The following RCAN1 variants were observed in gnomAD, a reference collection of about 807,000 sequenced individuals.
The protein encoded by RCAN1 is calcipressin-1.
RCAN1 carries 11 observed loss-of-function variants against 22.9 expected under a neutral mutation model. The observed-to-expected ratio is 0.48, with a 90% CI of 0.30 to 0.79. The LOEUF (loss-of-function observed/expected upper bound fraction) is 0.79. Ranked by LOEUF, RCAN1 falls within the 30% of genes least tolerant of loss-of-function variation. The pLI is 0.06. For synonymous variants in RCAN1, 136 were observed against 142.3 expected (o/e 0.96, Z 0.32); for missense variants, 291 against 337.8 (o/e 0.86, Z 1.09).
At chr21:34,540,743 T>C (rs1203656890) in intron 1 of RCAN1, among the ~76,000 whole-genome samples, 1 of 151,928 alleles carries the variant, frequency 6.6e-6, no homozygotes, top group Non-Finnish European at 1.5e-5. Context: ...TCCCAGCACT[T>C]TGGGAGGCCG....
intron 1 of RCAN1, among the ~76,000 whole-genome samples, chr21:34,575,984 C>T (rs1429334051): frequency 1.3e-5 from 2 of 152,154 alleles, no homozygotes; most frequent in African/African-American, 2.4e-5. Flanking sequence ...CATCACACTG[C>T]ATGGGATCCT....
Position 34,518,089 on chromosome 21 carries a change from T to C in RCAN1, c.754A>G (p.Ser252Gly), listed in dbSNP as rs781137178. ...RRPEYTPIHL[S>G] Reference sequence around the variant, plus strand: ...CGTCCTCGTCGCGTGCCAGTTCAGCTGAGGTGGATCGGCGTGTACTCCGGC... The same window carrying C: ...CGTCCTCGTCGCGTGCCAGTTCAGCCGAGGTGGATCGGCGTGTACTCCGGC... Residue 252 changes from serine (S) to glycine (G), a missense_variant, in exon 4 of 4, where the codon AGC (serine) becomes GGC (glycine). Physicochemically the swap from Ser to Gly is moderately conservative, Grantham distance 56. Coordinates refer to ENST00000313806, the MANE Select transcript of RCAN1 (RefSeq NM_004414.7). This position sits in a 1 kb window ranked among gnomAD's most constrained non-coding sequence, Gnocchi z 4.2. 6.2e-7 allele frequency: 1 copy of C among 1,614,212 alleles called. No individual in the cohort carries two copies. The highest frequency in any genetic ancestry group is 2.2e-5 in the East Asian group (1 of 44,880).
intron 1 of RCAN1, among the ~76,000 whole-genome samples, chr21:34,548,019 G>A (rs1335208458): frequency 6.6e-6 from 1 of 152,162 alleles, no homozygotes; most frequent in Admixed American, 6.5e-5. Flanking sequence ...TACAAGCCAG[G>A]AGGAGAGCCC....
At chr21:34,548,813 C>T (rs932608853) in intron 1 of RCAN1, among the ~76,000 whole-genome samples, 1 of 152,128 alleles carries the variant, frequency 6.6e-6, no homozygotes, top group African/African-American at 2.4e-5. Context: ...TCTCTTAGTG[C>T]CATCTAAATA....
rs77747516 is a variant in RCAN1 at position 34,598,590 on chromosome 21, A to T, written c.252+16170T>A. Among the ~76,000 whole-genome samples, 81 of 152,352 alleles carry T rather than the reference A, an allele frequency of 5.3e-4. 1 individual carries two copies. Among genetic ancestry groups the T allele is most frequent in the Non-Finnish European group, 1.0e-3 (69 of 68,030 alleles). On this transcript the variant is annotated intron_variant, in intron 1 of 3. Transcript: ENST00000313806. Reference sequence around the variant, plus strand: ...ACAACAAAAATGTACAAGTTCTAGAAGAAAACCTACTCCTATACATCTTGG... The same window carrying T: ...ACAACAAAAATGTACAAGTTCTAGATGAAAACCTACTCCTATACATCTTGG...
intron 1 of RCAN1, among the ~76,000 whole-genome samples, chr21:34,596,604 C>T (rs1988165204): frequency 6.6e-6 from 1 of 152,196 alleles, no homozygotes; most frequent in Admixed American, 6.5e-5. Context: ...GTCTCAGGGA[C>T]AGGAGCAACC....
intron 1 of RCAN1, among the ~76,000 whole-genome samples, chr21:34,547,402 T>G (rs1335898269): frequency 6.6e-6 from 1 of 152,088 alleles, no homozygotes; most frequent in Non-Finnish European, 1.5e-5. Flanking sequence ...AAAAACATCG[T>G]CCCAAGAGAA....
At chr21:34,547,442 G>T (rs1036572281) in intron 1 of RCAN1, among the ~76,000 whole-genome samples, 1 of 152,198 alleles carries the variant, frequency 6.6e-6, no homozygotes, top group Non-Finnish European at 1.5e-5. Flanking sequence ...CCAGGCAAAT[G>T]ACCTCAATTA....
intron 1 of RCAN1, among the ~76,000 whole-genome samples, chr21:34,606,384 G>A (rs1217313507): frequency 1.3e-5 from 2 of 152,110 alleles, no homozygotes; most frequent in Non-Finnish European, 1.5e-5. Context: ...TTCTTTACCT[G>A]CAACTGTCTT....
intron 1 of RCAN1, among the ~76,000 whole-genome samples, chr21:34,555,936 G>A (rs1344183595): frequency 6.6e-6 from 1 of 151,752 alleles, no homozygotes; most frequent in Non-Finnish European, 1.5e-5. Flanking sequence ...GGTGGCGGGT[G>A]CCTGTCGTCT....
chr21:34,563,547 T>A (rs747139106), intron 1 of RCAN1, among the ~76,000 whole-genome samples: 68 of 151,904 alleles, frequency 4.5e-4, no homozygotes, highest in Non-Finnish European at 8.4e-4. Flanking sequence ...CAGAACTGCA[T>A]TGAACTTAGC....
chr21:34,578,729 A>T (rs1987500008), intron 1 of RCAN1, among the ~76,000 whole-genome samples: 1 of 152,060 alleles, frequency 6.6e-6, no homozygotes, highest in African/African-American at 2.4e-5. Context: ...CGCCCTGACA[A>T]GAGTGCCTTT....
intron 1 of RCAN1, among the ~76,000 whole-genome samples, chr21:34,592,036 A>G (rs1987989559): frequency 6.6e-6 from 1 of 152,256 alleles, no homozygotes; most frequent in Non-Finnish European, 1.5e-5. Flanking sequence ...AATGAAATAA[A>G]GAAGCGTTCC....
intron 1 of RCAN1, among the ~76,000 whole-genome samples, chr21:34,570,829 CT>C (rs916846215): frequency 2.6e-5 from 4 of 152,152 alleles, no homozygotes; most frequent in East Asian, 1.9e-4. Flanking sequence ...CTAGAATATC[CT>C]TTTTTTATAG....
intron 1 of RCAN1, among the ~76,000 whole-genome samples, chr21:34,588,111 A>G (rs972313612): frequency 1.3e-5 from 2 of 152,226 alleles, no homozygotes; most frequent in Non-Finnish European, 2.9e-5. Flanking sequence ...CCCTATATAC[A>G]TATACATCCT....
intron 1 of RCAN1, among the ~76,000 whole-genome samples, chr21:34,565,009 G>A (rs1407957028): frequency 6.6e-6 from 1 of 151,462 alleles, no homozygotes; most frequent in African/African-American, 2.4e-5. Flanking sequence ...AGACCAGCCT[G>A]GGCAACAAGT....
chr21:34,538,932 C>T (rs1181931727), intron 1 of RCAN1, among the ~76,000 whole-genome samples: 1 of 152,138 alleles, frequency 6.6e-6, no homozygotes, highest in African/African-American at 2.4e-5. Context: ...TTAGAAGGCT[C>T]CAGACTTGCA....
At chr21:34,568,940 C>T (rs1394863933) in intron 1 of RCAN1, among the ~76,000 whole-genome samples, 1 of 152,176 alleles carries the variant, frequency 6.6e-6, no homozygotes, top group Non-Finnish European at 1.5e-5. Context: ...AAAGGTGCTT[C>T]TTACATGGCG....
At chr21:34,569,092 A>G (rs1601185102) in intron 1 of RCAN1, among the ~76,000 whole-genome samples, 1 of 152,224 alleles carries the variant, frequency 6.6e-6, no homozygotes, top group East Asian at 1.9e-4. Context: ...GGTCCCTCCC[A>G]CAACATGTGG....
Sources: allele counts gnomAD v4.1 joint callset (sites outside exome capture counted in the v4.1 genomes callset), GRCh38; gene constraint gnomAD v4.1.1; non-coding constraint Gnocchi (gnomAD v3.1); transcripts MANE v1.5; gene names NCBI Gene and HGNC (gene_info 2026-07-23, HGNC 2026-07-21).